FER: variants seen among roughly 807,000 people sequenced by gnomAD.
The protein encoded by FER is tyrosine-protein kinase Fer.
Under a neutral mutation model 111.0 loss-of-function variants are expected in FER, and 63 were observed. The observed-to-expected ratio is 0.57, with a 90% CI of 0.46 to 0.70. The LOEUF (loss-of-function observed/expected upper bound fraction) is 0.70. Among genes scored for constraint, FER ranks in the 30% least tolerant of loss-of-function variants. The pLI, the probability that FER is intolerant of heterozygous loss-of-function variation, is 0.00. For missense variants in FER, 914 were observed against 954.0 expected, an observed-to-expected ratio of 0.96 and a Z score of 0.55; for synonymous variants, 327 against 313.9, an observed-to-expected ratio of 1.04 and a Z score of -0.44.
chr5:108,980,542 A>T (rs1221250365), intron 13 of FER, among the ~76,000 whole-genome samples: 40 of 152,140 alleles, frequency 2.6e-4, no homozygotes. Flanking sequence ...ATGCCATTTC[A>T]CCTGATGTAT....
intron 3 of FER, among the ~76,000 whole-genome samples, chr5:108,812,509 A>G (rs1446509423): frequency 9.2e-5 from 14 of 152,134 alleles, no homozygotes; most frequent in Non-Finnish European, 1.9e-4. Flanking sequence ...GTTTCCTAAT[A>G]TGACAATCTC....
At chr5:109,101,309 A>T (rs948283062) in intron 17 of FER, among the ~76,000 whole-genome samples, 2 of 151,992 alleles carry the variant, frequency 1.3e-5, no homozygotes, top group African/African-American at 4.8e-5. Flanking sequence ...ATGTGGAGCA[A>T]GGTTCATTGC....
At chr5:108,959,563 A>G (rs887875250) in intron 13 of FER, among the ~76,000 whole-genome samples, 1 of 152,002 alleles carries the variant, frequency 6.6e-6, no homozygotes, top group Admixed American at 6.6e-5. Context: ...ATTTGCTAGT[A>G]TACAGATGGC....
At chr5:108,810,193 G>T (rs150556002) in intron 3 of FER, among the ~76,000 whole-genome samples, 1 of 152,152 alleles carries the variant, frequency 6.6e-6, no homozygotes, top group Admixed American at 6.5e-5. Flanking sequence ...ATGGACTTCC[G>T]TTGGCAGGTT....
intron 13 of FER, among the ~76,000 whole-genome samples, chr5:109,024,682 T>A (rs1768422000): frequency 6.6e-6 from 1 of 152,194 alleles, no homozygotes. Context: ...TTTCATATTG[T>A]CACTGGATAA....
chr5:109,078,455 C>A (rs1776621400), intron 16 of FER, among the ~76,000 whole-genome samples: 1 of 152,140 alleles, frequency 6.6e-6, no homozygotes, highest in Non-Finnish European at 1.5e-5. Context: ...AGGAGACATT[C>A]CAGTTTCTTT....
chr5:108,865,438 A>G (rs1325979714), intron 5 of FER, among the ~76,000 whole-genome samples: 1 of 152,176 alleles, frequency 6.6e-6, no homozygotes, highest in Non-Finnish European at 1.5e-5. Context: ...TTAATTCAGG[A>G]TGGAGTAAAG....
intron 16 of FER, among the ~76,000 whole-genome samples, chr5:109,067,148 A>G (rs1775188574): frequency 6.6e-6 from 1 of 152,214 alleles, no homozygotes; most frequent in East Asian, 1.9e-4. Flanking sequence ...TTGGAAAGGT[A>G]GGACCTTACA....
intron 3 of FER, among the ~76,000 whole-genome samples, chr5:108,809,677 C>G (rs1453236379): frequency 6.6e-6 from 1 of 152,184 alleles, no homozygotes; most frequent in Non-Finnish European, 1.5e-5. Context: ...ATCCTCCTAT[C>G]TTAGCCTCCT....
intron 18 of FER, among the ~76,000 whole-genome samples, chr5:109,183,248 G>T (rs369311000): frequency 1.7e-4 from 20 of 115,658 alleles, no homozygotes; most frequent in South Asian, 5.8e-4. Context: ...ATCCTAGCGT[G>T]TTTTTTTTTT....
intron 16 of FER, among the ~76,000 whole-genome samples, chr5:109,086,311 G>A (rs1008241391): frequency 2.0e-5 from 3 of 151,540 alleles, no homozygotes; most frequent in African/African-American, 7.3e-5. Flanking sequence ...TATGCCATAA[G>A]GTTATTTATC....
intron 17 of FER, among the ~76,000 whole-genome samples, chr5:109,121,128 A>G (rs1750914087): frequency 1.3e-5 from 2 of 152,020 alleles, no homozygotes; most frequent in South Asian, 4.1e-4. Context: ...ATTCCATACT[A>G]TGTTGAGTAA....
At chr5:108,826,719 A>T (rs1353569136) in intron 3 of FER, among the ~76,000 whole-genome samples, 2 of 152,236 alleles carry the variant, frequency 1.3e-5, no homozygotes, top group African/African-American at 4.8e-5. Context: ...TAATGAATCA[A>T]ACAAAGGTCT....
chr5:109,097,864 T>A (rs565137124), intron 16 of FER, among the ~76,000 whole-genome samples: 1 of 151,826 alleles, frequency 6.6e-6, no homozygotes, highest in African/African-American at 2.4e-5. Context: ...ATTTAATTTT[T>A]ATTGAGGTCC....
intron 16 of FER, among the ~76,000 whole-genome samples, chr5:109,057,663 C>T (rs6890304): frequency 0.03 from 4,542 of 152,118 alleles, 230 homozygotes; most frequent in African/African-American, 0.1. Context: ...ATACGAACTA[C>T]CTAATCTCAT....
At chr5:108,939,529 T>C (rs1487151154) in intron 10 of FER, among the ~76,000 whole-genome samples, 1 of 152,052 alleles carries the variant, frequency 6.6e-6, no homozygotes, top group African/African-American at 2.4e-5. Flanking sequence ...TTCTGTTGTA[T>C]GGACTTCATT....
At chr5:108,910,157 A>T (rs1183286736) in intron 10 of FER, among the ~76,000 whole-genome samples, 1 of 152,176 alleles carries the variant, frequency 6.6e-6, no homozygotes, top group Admixed American at 6.5e-5. Flanking sequence ...ATAATAGATT[A>T]AATATAAATT....
intron 10 of FER, among the ~76,000 whole-genome samples, chr5:108,915,426 G>A (rs944417577): frequency 2.6e-5 from 4 of 152,134 alleles, no homozygotes; most frequent in Non-Finnish European, 4.4e-5. Flanking sequence ...AGCCGAGATT[G>A]CCCCATCAAT....
At chr5:108,800,571 T>G (rs1370015637) in intron 3 of FER, among the ~76,000 whole-genome samples, 1 of 152,166 alleles carries the variant, frequency 6.6e-6, no homozygotes, top group Non-Finnish European at 1.5e-5. Context: ...CAGGCTGACC[T>G]TGACCTTCTG....
Sources: allele counts gnomAD v4.1 joint callset (sites outside exome capture counted in the v4.1 genomes callset), GRCh38; gene constraint gnomAD v4.1.1; transcripts MANE v1.5; gene names NCBI Gene and HGNC (gene_info 2026-07-23, HGNC 2026-07-21).